LRRC71: variants seen among roughly 807,000 people sequenced by gnomAD.
The protein encoded by LRRC71 is leucine rich repeat containing 71.
LRRC71 carries 54 observed loss-of-function variants against 66.6 expected under a neutral mutation model. The ratio of observed to expected loss-of-function variants is 0.81; its 90% CI spans 0.65 to 1.02. The LOEUF (loss-of-function observed/expected upper bound fraction) is 1.02. LRRC71 is among the 50% of genes least tolerant of loss of function. The probability of loss-of-function intolerance (pLI) is 0.00; values close to 1 mark genes in which losing one functional copy is unlikely to be tolerated. For missense variants in LRRC71, 724 were observed against 718.0 expected, an observed-to-expected ratio of 1.01 and a Z score of -0.10; for synonymous variants, 323 against 303.9, an observed-to-expected ratio of 1.06 and a Z score of -0.65.
chr1:156,924,910 G>A (rs2101605831), intron 4 of LRRC71, 28 bp from the exon 5 acceptor site: 1 of 1,551,298 alleles, frequency 6.4e-7, no homozygotes, highest in East Asian at 2.4e-5. Context: ...CTCTAGCTCT[G>A]TGTTTCTGCA....
In LRRC71 at chr1:156,924,644, T is replaced by G. The variant is rs1476128445; in HGVS notation, c.441T>G (p.Gly147=). ...CACCTGCCTCCTCTTGGCCCGCAGGTTGGAAGGTTGAGGAACGGATTCTGG... is the reference window on the plus strand; with the variant it reads ...CACCTGCCTCCTCTTGGCCCGCAGGGTGGAAGGTTGAGGAACGGATTCTGG... The part of the protein sequence containing the change: ...SKSVKEIYIR[G]WKVEERILGV... Residue 147 remains glycine, a splice_region_variant and synonymous_variant, in exon 4 of 15, where the codon GGT becomes GGG. Transcript: ENST00000337428. 5 of 1,466,234 alleles carry G rather than the reference T, an allele frequency of 3.4e-6. No individual in the cohort carries two copies. The allele number at this position is 1,466,234 out of a possible 1,614,324, so 90.8% of individuals were successfully genotyped here.
At chr1:156,936,345 G>T (rs1419289517), downstream of LRRC71, 1 of 529,136 alleles carries the variant, frequency 1.9e-6, no homozygotes, top group Non-Finnish European at 3.7e-6. Context: ...ATCAGCACGA[G>T]TCTTAGGCCG....
the LRRC71 span, chr1:156,939,932 G>A: frequency 6.3e-7 from 1 of 1,597,740 alleles, no homozygotes. Flanking sequence ...ACAGGGTGAT[G>A]TCTTCCCAGC....
downstream of LRRC71, chr1:156,936,150 A>T (rs1655044087): frequency 2.4e-6 from 3 of 1,275,644 alleles, no homozygotes; most frequent in Non-Finnish European, 3.4e-6. Flanking sequence ...ACGAGAACAG[A>T]TCCTTCATCA....
At chr1:156,938,241 C>G in the LRRC71 span, among the ~76,000 whole-genome samples, 1 of 152,152 alleles carries the variant, frequency 6.6e-6, no homozygotes, top group Non-Finnish European at 1.5e-5. Flanking sequence ...GGATGGACAG[C>G]CAGCCTTTAG....
At chr1:156,928,450 C>CTCT (rs59190311) in intron 9 of LRRC71, among the ~76,000 whole-genome samples, 32,141 of 136,578 alleles carry the variant, frequency 0.24, 4,875 homozygotes, top group African/African-American at 0.41. Flanking sequence ...CTTCCTCCTC[C>CTCT]TCTTCTTCTC....
the LRRC71 span, chr1:156,939,970 T>C: frequency 6.3e-7 from 1 of 1,577,948 alleles, no homozygotes. Context: ...GCCAGAAGGA[T>C]CGTTGTACTG....
downstream of LRRC71, chr1:156,937,374 G>C: frequency 6.2e-7 from 1 of 1,609,590 alleles, no homozygotes. Flanking sequence ...CCCTGCAGCT[G>C]AGGCTGAGGC....
chr1:156,929,675 T>G lies in LRRC71; in HGVS notation c.1186T>G (p.Ser396Ala), dbSNP rs1653976898. Reference protein sequence around the residue: ...KKEEKLGSGQSPTQGTPKKED... With the variant: ...KKEEKLGSGQAPTQGTPKKED... ...AGAGGAGAAGTTGGGGTCTGGGCAG[T>G]CACCCACACAAGGAACCCCTAAGAA... The change falls in exon 11 of 15, where the codon TCA (serine) becomes GCA (alanine). Residue 396 changes from serine (S) to alanine (A), a missense_variant. By Grantham distance (99) the Ser-to-Ala change is moderately conservative. Coordinates refer to ENST00000337428, the MANE Select transcript of LRRC71 (RefSeq NM_144702.3). 3 of 1,586,568 alleles carry G rather than the reference T, an allele frequency of 1.9e-6. No homozygotes were observed. Among genetic ancestry groups the G allele is most frequent in the Non-Finnish European group, 2.6e-6 (3 of 1,166,470 alleles).
chr1:156,927,820 G>T lies in LRRC71; in HGVS notation c.906+4G>T, dbSNP rs1324806951. On this transcript the variant is annotated splice_donor_region_variant and intron_variant, in intron 8 of 14. Coordinates refer to ENST00000337428, the MANE Select transcript of LRRC71 (RefSeq NM_144702.3). ...GGGCGCCCTGAAGCTGGCTGAGGTGGGTGTGCCGATCAGGTGGGGCAGGGG... is the reference window on the plus strand; with the variant it reads ...GGGCGCCCTGAAGCTGGCTGAGGTGTGTGTGCCGATCAGGTGGGGCAGGGG... 1 of 1,613,526 alleles carries T rather than the reference G, an allele frequency of 6.2e-7. No individual in the cohort carries two copies. Among genetic ancestry groups the T allele is most frequent in the South Asian group, 1.1e-5 (1 of 91,066 alleles).
Position 156,932,938 on chromosome 1 carries a change from G to A in LRRC71, c.1649G>A (p.Arg550Lys). ...LPRDPIKAKL[R>K]EDEAMAFFP ...AGGGATCCCATCAAGGCCAAACTCA[G>A]GGAGGATGAGGCCATGGCATTCTTC... The change falls in exon 15 of 15, where the codon AGG becomes AAG. Residue 550 changes from arginine (R) to lysine (K), a missense_variant. By Grantham distance (26) the Arg-to-Lys change is conservative. Transcript: ENST00000337428. The A allele has an allele frequency of 6.3e-7, 1 of 1,590,002 alleles. No individual in the cohort carries two copies. The highest frequency in any genetic ancestry group is 1.2e-5 in the South Asian group (1 of 86,844).
In LRRC71 at chr1:156,920,854, G is replaced by C; in HGVS notation, c.51G>C (p.Pro17=). 6.5e-7 allele frequency: 1 copy of C among 1,538,020 alleles called. No individual in the cohort carries two copies. Among genetic ancestry groups the C allele is most frequent in the Non-Finnish European group, 8.8e-7 (1 of 1,140,812 alleles). Residue 17 remains proline, a synonymous_variant, in exon 1 of 15, where the codon CCG becomes CCC. Transcript: ENST00000337428. The surrounding 1 kb of genome is among the most constrained non-coding windows in gnomAD (Gnocchi z 4.9). The stretch of plus-strand genomic sequence containing the variant: ...GGGCCTCACCCAGGGCCCCGCGTCC[G>C]GGGACCCAGAAGTCTTCTGGCGCGG... ...APGASPRAPR[P]GTQKSSGAVT...
chr1:156,929,326 G>A lies in LRRC71; in HGVS notation c.1043G>A (p.Ser348Asn). 2 of 1,612,450 alleles carry A rather than the reference G, an allele frequency of 1.2e-6. No individual in the cohort carries two copies. The highest frequency in any genetic ancestry group is 8.5e-7 in the Non-Finnish European group (1 of 1,179,176). The change falls in exon 10 of 15, where the codon AGT (serine) becomes AAT (asparagine). Residue 348 changes from serine to asparagine, a missense_variant. Coordinates refer to ENST00000337428, the MANE Select transcript of LRRC71 (RefSeq NM_144702.3). ...GACTCCAAAACGGACCGTGAGAAGA[G>A]TCAGATGGTAGGGATCAGCAATAGT... The part of the protein sequence containing the change: ...HGDSKTDREK[S>N]QMVGISNSAL...
chr1:156,932,400 C>T (rs1296042334), intron 13 of LRRC71, 24 bp from the exon 14 acceptor site: 2 of 1,599,042 alleles, frequency 1.3e-6, no homozygotes, highest in South Asian at 1.1e-5. Flanking sequence ...TGCTAAGAGG[C>T]CACCTGTCTG....
Position 156,923,918 on chromosome 1 carries a change from C to T in LRRC71, c.161-31C>T, listed in dbSNP as rs1252587529. On this transcript the variant is annotated intron_variant, in intron 1 of 14. Transcript: ENST00000337428. ...TGGGGATGCGGGGGTGGGCGTGGCC[C>T]CTTCTCTCACGCCCCTGCCTGCCCC... The T allele has an allele frequency of 2.1e-6, 3 of 1,439,806 alleles. No individual in the cohort carries two copies. In the South Asian group the frequency reaches 4.4e-5, roughly 21 times the overall value. The allele number at this position is 1,439,806 out of a possible 1,614,324, so 89.2% of individuals were successfully genotyped here. A position where few individuals can be genotyped will look rare whatever the true frequency, so the allele number is the denominator to read the frequency against.
In LRRC71 at chr1:156,929,681, A is replaced by G. The variant is rs1182853791; in HGVS notation, c.1192A>G (p.Thr398Ala). Reference sequence around the variant, plus strand: ...GAAGTTGGGGTCTGGGCAGTCACCCACACAAGGAACCCCTAAGAAGGAAGA... The same window carrying G: ...GAAGTTGGGGTCTGGGCAGTCACCCGCACAAGGAACCCCTAAGAAGGAAGA... ...EEKLGSGQSPTQGTPKKEDAT... is the reference protein window; with the variant it reads ...EEKLGSGQSPAQGTPKKEDAT... Residue 398 changes from threonine (T) to alanine (A), a missense_variant, in exon 11 of 15, where the codon ACA (threonine) becomes GCA (alanine). By Grantham distance (58) the Thr-to-Ala change is moderately conservative. Transcript: ENST00000337428. 1.1e-5 allele frequency: 17 copies of G among 1,584,782 alleles called. No individual in the cohort carries two copies. Among genetic ancestry groups the G allele is most frequent in the Non-Finnish European group, 1.5e-5 (17 of 1,165,570 alleles).
intron 4 of LRRC71, 78 bp downstream of exon 4, chr1:156,924,796 G>A (rs1252502547): frequency 1.3e-6 from 2 of 1,518,998 alleles, no homozygotes; most frequent in Admixed American, 2.0e-5. Flanking sequence ...GAGAACCAAG[G>A]GGCATGGGAG....
In LRRC71 at chr1:156,927,979, A is replaced by T. The variant is rs1370343058; in HGVS notation, c.971A>T (p.Lys324Ile). 6.2e-7 allele frequency: 1 copy of T among 1,609,548 alleles called. No homozygotes were observed. The highest frequency in any genetic ancestry group is 1.3e-5 in the African/African-American group (1 of 74,976). ...GAGCGCCGACGCCTCCTGCTGGAAA[A>T]AGGGACACAGGAGCGCTCGCGATCG... is the stretch of plus-strand genomic sequence containing the variant. ...VVERRRLLLE[K>I]GTQERSRSPS... The change falls in exon 9 of 15, where the codon AAA becomes ATA. Residue 324 changes from lysine (K) to isoleucine (I), a missense_variant. By Grantham distance (102) the Lys-to-Ile change is moderately radical (BLOSUM62 -3). Coordinates refer to ENST00000337428, the MANE Select transcript of LRRC71 (RefSeq NM_144702.3).
At chr1:156,930,077 T>TTTTTC (rs764163242) in intron 11 of LRRC71, among the ~76,000 whole-genome samples, 4 of 36,740 alleles carry the variant, frequency 1.1e-4, no homozygotes, top group African/African-American at 5.9e-4. Context: ...TCTTTCTTTC[T>TTTTTC]TTTCTTTCTT....
Sources: gnomAD v4.1 joint callset for allele counts (sites outside exome capture counted in the v4.1 genomes callset) on GRCh38, gnomAD v4.1.1 for gene constraint, Gnocchi (gnomAD v3.1) non-coding constraint, MANE v1.5 for transcripts, NCBI Gene and HGNC (gene_info 2026-07-23, HGNC 2026-07-21) for gene names.